ATRX: variants seen among roughly 807,000 people sequenced by gnomAD.
ATRX encodes the protein ATRX chromatin remodeler, also known as chromatin remodeler ATRX.
Under a neutral mutation model 172.6 loss-of-function variants are expected in ATRX, and 12 were observed. That is an observed-to-expected ratio of 0.07 (90% CI 0.04 to 0.11). The LOEUF (loss-of-function observed/expected upper bound fraction) is 0.11. Ranked by LOEUF, ATRX falls within the 10% of genes least tolerant of loss-of-function variation. The pLI is 1.00. For missense variants in ATRX, 1,368 were observed against 1,767.4 expected (o/e 0.77, Z 4.05); for synonymous variants, 674 against 594.7 (o/e 1.13, Z -1.94).
At chrX:77,549,000 T>C (rs1191673516) in intron 30 of ATRX, among the ~76,000 whole-genome samples, 3 of 112,172 alleles carry the variant, frequency 2.7e-5, no homozygotes, top group Non-Finnish European at 5.6e-5. Flanking sequence ...TATGCCAGTT[T>C]TATTGGCTTT....
intron 5 of ATRX, among the ~76,000 whole-genome samples, chrX:77,694,788 G>C (rs1397441588): frequency 4.7e-5 from 5 of 106,457 alleles, no homozygotes; most frequent in Non-Finnish European, 9.7e-5. Context: ...GGAAAAAAAA[G>C]CAGGTAGTCA....
At position 77,506,125 on chromosome X, in the gene ATRX, C is replaced by T. The variant is rs1368118049; in HGVS notation, c.*2226G>A. On this transcript the variant is annotated 3_prime_UTR_variant, in exon 35 of 35. Transcript: ENST00000373344. The stretch of plus-strand genomic sequence containing the variant: ...GAATTTAGCAGGCAAAACTGTATTA[C>T]AAGCAACATTTTAAATCATCATTTT... 2 of 170,694 alleles carry T rather than the reference C, an allele frequency of 1.2e-5. No individual in the cohort carries two copies. Among genetic ancestry groups the T allele is most frequent in the African/African-American group, 3.0e-5 (1 of 33,871 alleles). 14.1% of individuals were successfully genotyped at this position (170,694 alleles called of 1,213,427 possible). A position where few individuals can be genotyped will look rare whatever the true frequency, so the allele number is the denominator to read the frequency against.
Position 77,527,902 on chromosome X carries a change from C to T in ATRX, c.6700-4501G>A, listed in dbSNP as rs782371890. Among the ~76,000 whole-genome samples, 396 of 111,678 alleles carry T rather than the reference C, an allele frequency of 3.5e-3. 1 individual carries two copies. Among genetic ancestry groups the T allele is most frequent in the African/African-American group, 0.012 (359 of 30,743 alleles). On this transcript the variant is annotated intron_variant, in intron 30 of 34. Transcript: ENST00000373344. ...ACACGGCCCAGAGGAGGAGGGGCCG[C>T]CCACAGCGCAGTGCAGTGGCCTTGC...
At chrX:77,544,689 T>C (rs1228662606) in intron 30 of ATRX, among the ~76,000 whole-genome samples, 3 of 109,424 alleles carry the variant, frequency 2.7e-5, no homozygotes, top group East Asian at 2.9e-4. Context: ...GTTCTTGCGA[T>C]AGTTTACTGA....
chrX:77,682,944 G>A lies in ATRX; in HGVS notation c.2312C>T (p.Ala771Val), dbSNP rs376906761. ...HKTLYDLKTQAGKDDKGKRKR... is the reference protein window; with the variant it reads ...HKTLYDLKTQVGKDDKGKRKR... ...CCTTTTTCCTTTATCATCTTTCCCCGCCTGAGTCTTTAAATCATACAAAGT... is the reference window on the plus strand; with the variant it reads ...CCTTTTTCCTTTATCATCTTTCCCCACCTGAGTCTTTAAATCATACAAAGT... The change falls in exon 9 of 35, where the codon GCG becomes GTG. Residue 771 changes from alanine to valine, a missense_variant. By Grantham distance (64) the Ala-to-Val change is moderately conservative (BLOSUM62 0). This residue lies in a region of ATRX where 843 missense variants were observed against 643.1 expected (regional missense o/e 1.31). Transcript: ENST00000373344. 2.5e-5 allele frequency: 30 copies of A among 1,207,271 alleles called. No homozygotes were observed. Among genetic ancestry groups the A allele is most frequent in the African/African-American group, 1.4e-4 (8 of 56,651 alleles).
rs146444943 is a variant in ATRX, at chrX:77,653,682, T to C, written c.4317+416A>G. 6.1e-4 allele frequency among the ~76,000 whole-genome samples: 68 copies of C among 111,990 alleles called. 2 individuals carry two copies. In the East Asian group the frequency reaches 0.018, roughly 30 times the overall value. ...AAGACAAATATCCCTCTGAAGAGCA[T>C]TGTGTTGACAGAATCAAACATATTA... On this transcript the variant is annotated intron_variant, in intron 14 of 34. Transcript: ENST00000373344.
intron 1 of ATRX, among the ~76,000 whole-genome samples, chrX:77,764,205 T>C (rs1292021456): frequency 2.7e-5 from 3 of 112,370 alleles, no homozygotes; most frequent in African/African-American, 9.7e-5. Context: ...TTCAATTTTT[T>C]ATATTAAAGG....
At chrX:77,708,713 A>C (rs1474572383) in intron 2 of ATRX, among the ~76,000 whole-genome samples, 1 of 111,461 alleles carries the variant, frequency 9.0e-6, no homozygotes, top group African/African-American at 3.3e-5. Flanking sequence ...AAGAAACTAG[A>C]TTAGTGATTT....
chrX:77,645,457 C>A (rs1017597263), intron 15 of ATRX, among the ~76,000 whole-genome samples: 1 of 111,543 alleles, frequency 9.0e-6, no homozygotes, highest in Non-Finnish European at 1.9e-5. Flanking sequence ...GGATTCTATA[C>A]CCAGCAAAAT....
Position 77,504,907 on chromosome X carries a change from C to A in ATRX, c.*3444G>T. 6.8e-6 allele frequency: 1 copy of A among 148,031 alleles called. No individual in the cohort carries two copies. The highest frequency in any genetic ancestry group is 1.1e-4 in the East Asian group (1 of 9,358). The allele number at this position is 148,031 out of a possible 1,213,427, so 12.2% of individuals were successfully genotyped here. On this transcript the variant is annotated 3_prime_UTR_variant, in exon 35 of 35. Coordinates refer to ENST00000373344, the MANE Select transcript of ATRX (RefSeq NM_000489.6). ...TTTCGGATTTAAAACTTTATTCACC[C>A]CATATAATAGTATATATAAAATGTT...
intron 27 of ATRX, among the ~76,000 whole-genome samples, chrX:77,576,791 C>A (rs1557070638): frequency 9.0e-6 from 1 of 111,558 alleles, no homozygotes; most frequent in Non-Finnish European, 1.9e-5. Flanking sequence ...TACCCACAGG[C>A]CCTGGCAAAC....
At chrX:77,587,432 A>C (rs2066067630) in intron 27 of ATRX, among the ~76,000 whole-genome samples, 1 of 112,115 alleles carries the variant, frequency 8.9e-6, no homozygotes, top group African/African-American at 3.2e-5. Context: ...TTTCATGACA[A>C]ACACATTTAA....
intron 1 of ATRX, among the ~76,000 whole-genome samples, chrX:77,741,789 T>G (rs1198273640): frequency 1.8e-5 from 2 of 111,737 alleles, no homozygotes; most frequent in African/African-American, 6.5e-5. Flanking sequence ...TAAAAAAATT[T>G]TTAAATTTTT....
chrX:77,694,014 G>A (rs1462217523), intron 5 of ATRX, 77 bp from the exon 6 acceptor site: 7 of 766,082 alleles, frequency 9.1e-6, no homozygotes, highest in Non-Finnish European at 1.4e-5. Context: ...TTCAGATAAA[G>A]CCAACATTGC....
At chrX:77,782,290 T>C (rs1210431621) in intron 1 of ATRX, among the ~76,000 whole-genome samples, 2 of 112,384 alleles carry the variant, frequency 1.8e-5, no homozygotes, top group Non-Finnish European at 3.7e-5. Flanking sequence ...CCTTAACAGA[T>C]ACTTTCTAAG....
At chrX:77,605,248 G>A (rs1208715073) in intron 22 of ATRX, among the ~76,000 whole-genome samples, 2 of 111,139 alleles carry the variant, frequency 1.8e-5, no homozygotes, top group Admixed American at 9.6e-5. Context: ...CCAACATGGC[G>A]AAACCCTGTC....
chrX:77,724,498 C>A (rs2073940836), intron 1 of ATRX, among the ~76,000 whole-genome samples: 1 of 109,910 alleles, frequency 9.1e-6, no homozygotes, highest in Non-Finnish European at 1.9e-5. Flanking sequence ...TCCCAAACTG[C>A]TGGGATTACA....
intron 10 of ATRX, among the ~76,000 whole-genome samples, chrX:77,673,595 CATA>C (rs1305568210): frequency 1.8e-5 from 2 of 110,913 alleles, no homozygotes; most frequent in African/African-American, 6.5e-5. Flanking sequence ...ACCACTGTCT[CATA>C]ATATTATACA....
chrX:77,761,557 G>A (rs909416239), intron 1 of ATRX, among the ~76,000 whole-genome samples: 1 of 110,948 alleles, frequency 9.0e-6, no homozygotes, highest in Admixed American at 9.7e-5. Flanking sequence ...TCAATAAAGT[G>A]TACAACATGA....
Sources: allele counts gnomAD v4.1 joint callset (sites outside exome capture counted in the v4.1 genomes callset), GRCh38; gene constraint gnomAD v4.1.1; regional missense constraint gnomAD v4.1.1; transcripts MANE v1.5; gene names NCBI Gene and HGNC (gene_info 2026-07-23, HGNC 2026-07-21).